Variants in FBXL7 observed in about 807,000 individuals in gnomAD.
FBXL7 encodes F-box/LRR-repeat protein 7.
In FBXL7, 12 loss-of-function variants were observed where a neutral mutation model predicts 38.3. The observed-to-expected ratio is 0.31, with a 90% CI of 0.20 to 0.51. FBXL7 has a LOEUF of 0.51. Among genes scored for constraint, FBXL7 ranks in the 20% least tolerant of loss-of-function variants. The pLI is 0.98. For missense variants in FBXL7, 567 were observed against 676.4 expected, an observed-to-expected ratio of 0.84 and a Z score of 1.79; for synonymous variants, 297 against 300.9, an observed-to-expected ratio of 0.99 and a Z score of 0.13.
intron 2 of FBXL7, among the ~76,000 whole-genome samples, chr5:15,702,471 G>A (rs557602683): frequency 2.0e-5 from 3 of 152,054 alleles, no homozygotes; most frequent in South Asian, 4.1e-4. Flanking sequence ...GGAGCCACGC[G>A]GTATCTGCCT....
chr5:15,530,409 C>T (rs1196829378), intron 1 of FBXL7, among the ~76,000 whole-genome samples: 3 of 152,018 alleles, frequency 2.0e-5, no homozygotes, highest in Non-Finnish European at 4.4e-5. Flanking sequence ...ACATATTTGT[C>T]TAGAGAATTA....
intron 2 of FBXL7, among the ~76,000 whole-genome samples, chr5:15,730,638 T>TA (rs1343602819): frequency 6.6e-6 from 1 of 152,224 alleles, no homozygotes; most frequent in African/African-American, 2.4e-5. Context: ...GTTTTAGGAA[T>TA]ATAGATATAA....
At chr5:15,772,290 TCC>T (rs1736749613) in intron 2 of FBXL7, among the ~76,000 whole-genome samples, 1 of 152,176 alleles carries the variant, frequency 6.6e-6, no homozygotes, top group Admixed American at 6.5e-5. Flanking sequence ...GGTGCTCGCA[TCC>T]CTCATGTTCC....
chr5:15,596,719 T>C (rs760381684), intron 1 of FBXL7, among the ~76,000 whole-genome samples: 1 of 152,178 alleles, frequency 6.6e-6, no homozygotes, highest in Non-Finnish European at 1.5e-5. Flanking sequence ...TGATCACCAA[T>C]GGCTAATGAT....
intron 1 of FBXL7, among the ~76,000 whole-genome samples, chr5:15,597,923 T>C (rs1004443602): frequency 2.6e-5 from 4 of 152,250 alleles, no homozygotes; most frequent in African/African-American, 9.6e-5. Flanking sequence ...TAAGTTGTTA[T>C]ATTCAAGAAC....
In FBXL7 at chr5:15,565,819, A is replaced by C. The variant is rs1469916902; in HGVS notation, c.38-50164A>C. The stretch of plus-strand genomic sequence containing the variant: ...AGTTTCTTTTACTAACAGGAAGCTC[A>C]GTCTTTTTCTTCTATTCCGGCCTTC... On this transcript the variant is annotated intron_variant, in intron 1 of 3. Transcript: ENST00000504595. Among the ~76,000 whole-genome samples the C allele has an allele frequency of 2.0e-5, 3 of 152,148 alleles. 1 individual carries two copies. The highest frequency in any genetic ancestry group is 4.1e-4 in the South Asian group (2 of 4,830).
intron 2 of FBXL7, among the ~76,000 whole-genome samples, chr5:15,622,865 C>T (rs989874382): frequency 8.6e-5 from 13 of 151,958 alleles, no homozygotes; most frequent in Admixed American, 6.6e-5. Flanking sequence ...CCACCATGCC[C>T]GGCTAATTTT....
intron 1 of FBXL7, among the ~76,000 whole-genome samples, chr5:15,545,476 G>A (rs1737870476): frequency 6.6e-6 from 1 of 152,174 alleles, no homozygotes; most frequent in Non-Finnish European, 1.5e-5. Context: ...GGGTGACTTT[G>A]CTAAATAATC....
At chr5:15,737,219 T>C (rs1191043480) in intron 2 of FBXL7, among the ~76,000 whole-genome samples, 1 of 152,216 alleles carries the variant, frequency 6.6e-6, no homozygotes, top group African/African-American at 2.4e-5. Context: ...TATTCTGCAC[T>C]GTTTATGACA....
At chr5:15,556,025 AGTCT>A (rs1339007736) in intron 1 of FBXL7, among the ~76,000 whole-genome samples, 1 of 138,538 alleles carries the variant, frequency 7.2e-6, no homozygotes, top group East Asian at 2.2e-4. Context: ...ATCATCTATC[AGTCT>A]ATCATCTACT....
intron 2 of FBXL7, among the ~76,000 whole-genome samples, chr5:15,676,007 C>G (rs761203888): frequency 2.6e-5 from 4 of 152,228 alleles, no homozygotes; most frequent in Admixed American, 6.5e-5. Flanking sequence ...TGTATGTGCT[C>G]TCCATAAATC....
intron 1 of FBXL7, among the ~76,000 whole-genome samples, chr5:15,518,433 T>C (rs1737005901): frequency 6.6e-6 from 1 of 152,184 alleles, no homozygotes; most frequent in Non-Finnish European, 1.5e-5. Flanking sequence ...TCGTGAGCCC[T>C]CTCGATACCC....
chr5:15,532,853 T>G (rs1233980541), intron 1 of FBXL7, among the ~76,000 whole-genome samples: 1 of 152,222 alleles, frequency 6.6e-6, no homozygotes, highest in East Asian at 1.9e-4. Context: ...CAAGAACCAC[T>G]GGGGCTTCAC....
intron 2 of FBXL7, among the ~76,000 whole-genome samples, chr5:15,925,572 C>A (rs1172793261): frequency 6.6e-6 from 1 of 152,152 alleles, no homozygotes; most frequent in Admixed American, 6.5e-5. Context: ...GCTGGAAGTT[C>A]TTTGAGAAGA....
At chr5:15,767,819 ATTATAT>A (rs1412886484) in intron 2 of FBXL7, among the ~76,000 whole-genome samples, 2 of 152,210 alleles carry the variant, frequency 1.3e-5, no homozygotes, top group African/African-American at 2.4e-5. Context: ...ATACACACAG[ATTATAT>A]TTAAATAAAC....
At chr5:15,814,565 G>GTA (rs1483799986) in intron 2 of FBXL7, among the ~76,000 whole-genome samples, 1 of 151,558 alleles carries the variant, frequency 6.6e-6, no homozygotes, top group Non-Finnish European at 1.5e-5. Flanking sequence ...AGAACTTAAA[G>GTA]TATATATATA....
chr5:15,609,691 A>G (rs1186206760), intron 1 of FBXL7, among the ~76,000 whole-genome samples: 1 of 151,978 alleles, frequency 6.6e-6, no homozygotes, highest in African/African-American at 2.4e-5. Flanking sequence ...TCACCATGAA[A>G]CCCAGGTGAC....
intron 2 of FBXL7, among the ~76,000 whole-genome samples, chr5:15,924,741 C>T (rs1192924223): frequency 6.6e-6 from 1 of 151,752 alleles, no homozygotes; most frequent in African/African-American, 2.4e-5. Flanking sequence ...ATTCACGTGC[C>T]TCACCCTCCT....
chr5:15,931,738 G>A (rs1215625071), intron 3 of FBXL7, among the ~76,000 whole-genome samples: 2 of 152,122 alleles, frequency 1.3e-5, no homozygotes, highest in Non-Finnish European at 2.9e-5. Context: ...TTATCTGCAT[G>A]TCCCAAAACA....
Sources: allele counts gnomAD v4.1 joint callset (sites outside exome capture counted in the v4.1 genomes callset), GRCh38; gene constraint gnomAD v4.1.1; transcripts MANE v1.5; gene names NCBI Gene and HGNC (gene_info 2026-07-23, HGNC 2026-07-21).